Variants in JAKMIP3 observed in about 807,000 individuals in gnomAD.
JAKMIP3 encodes the protein janus kinase and microtubule-interacting protein 3.
In JAKMIP3, 58 loss-of-function variants were observed where a neutral mutation model predicts 118.5. That is an observed-to-expected ratio of 0.49 (90% CI 0.40 to 0.61). JAKMIP3 has a LOEUF of 0.61. JAKMIP3 is among the 20% of genes least tolerant of loss of function. JAKMIP3 has a pLI of 0.00. For synonymous variants in JAKMIP3, 486 were observed against 451.2 expected (o/e 1.08, Z -0.98); for missense variants, 950 against 1,109.0 (o/e 0.86, Z 2.04).
chr10:132,068,132 G>A (rs555900983), intron 1 of JAKMIP3, among the ~76,000 whole-genome samples: 5 of 148,954 alleles, frequency 3.4e-5, no homozygotes, highest in Admixed American at 2.7e-4. Flanking sequence ...CTTCCGTGTG[G>A]ACTGGACTGT....
At chr10:132,087,755 C>T (rs763889513) in intron 1 of JAKMIP3, among the ~76,000 whole-genome samples, 12 of 151,412 alleles carry the variant, frequency 7.9e-5, no homozygotes, top group South Asian at 2.1e-4. Context: ...ATGTGCACAA[C>T]GTGCAGGTTA....
At chr10:132,109,777 C>A (rs1234778741) in intron 2 of JAKMIP3, among the ~76,000 whole-genome samples, 2 of 152,198 alleles carry the variant, frequency 1.3e-5, no homozygotes, top group Non-Finnish European at 2.9e-5. Flanking sequence ...TATGGGAAGC[C>A]TTCGGGGCCC....
At chr10:132,139,180 CTGTG>C (rs879430782) in intron 9 of JAKMIP3, among the ~76,000 whole-genome samples, 2 of 113,278 alleles carry the variant, frequency 1.8e-5, no homozygotes, top group Non-Finnish European at 3.5e-5. Context: ...GTGTATGTGT[CTGTG>C]TATGTGTGTG....
At chr10:132,040,502 C>A (rs2037705096) in intron 1 of JAKMIP3, among the ~76,000 whole-genome samples, 1 of 152,140 alleles carries the variant, frequency 6.6e-6, no homozygotes, top group Non-Finnish European at 1.5e-5. Flanking sequence ...ATGCTATAAT[C>A]ATTTTATATC....
chr10:132,038,043 T>C (rs931110743), intron 1 of JAKMIP3, among the ~76,000 whole-genome samples: 8 of 152,258 alleles, frequency 5.3e-5, no homozygotes, highest in South Asian at 2.1e-4. Flanking sequence ...AAGTTATAGT[T>C]TGGAGTTCAT....
chr10:132,109,485 C>T (rs1022932805), intron 2 of JAKMIP3, among the ~76,000 whole-genome samples: 4 of 152,230 alleles, frequency 2.6e-5, no homozygotes, highest in South Asian at 4.1e-4. Flanking sequence ...CCTGCGCGCC[C>T]GCAGAGAGGT....
At chr10:132,165,147 G>T (rs117266782) in intron 21 of JAKMIP3, among the ~76,000 whole-genome samples, 12 of 152,214 alleles carry the variant, frequency 7.9e-5, no homozygotes, top group African/African-American at 2.9e-4. Flanking sequence ...TCCAGTTCCC[G>T]GATCAGAAGC....
chr10:132,071,714 G>A (rs898207512), intron 1 of JAKMIP3, among the ~76,000 whole-genome samples: 18 of 152,140 alleles, frequency 1.2e-4, no homozygotes, highest in African/African-American at 3.9e-4. Context: ...CCTGTATAAC[G>A]TTTTGCAACT....
chr10:132,128,654 T>G (rs1391805007), intron 3 of JAKMIP3, among the ~76,000 whole-genome samples: 1 of 152,214 alleles, frequency 6.6e-6, no homozygotes, highest in East Asian at 1.9e-4. Flanking sequence ...GGGTTTGTGA[T>G]TTTACTGTGT....
At position 132,168,571 on chromosome 10, in the gene JAKMIP3, C is replaced by T. The variant is rs755910846; in HGVS notation, c.*641C>T. ...CATCCACCCTCGTTCATCATCATCT[C>T]TGTGGGGACAGACAAGAGCCGTGGC... On this transcript the variant is annotated 3_prime_UTR_variant, in exon 23 of 24. Coordinates refer to ENST00000684848, the MANE Select transcript of JAKMIP3 (RefSeq NM_001323087.2). The T allele has an allele frequency of 1.1e-4, 44 of 388,162 alleles. No individual in the cohort carries two copies. The highest frequency in any genetic ancestry group is 1.8e-4 in the Non-Finnish European group (38 of 209,704). 24.0% of individuals were successfully genotyped at this position (388,162 alleles called of 1,614,324 possible).
intron 23 of JAKMIP3, among the ~76,000 whole-genome samples, chr10:132,172,736 C>G (rs373044596): frequency 6.6e-6 from 1 of 151,892 alleles, no homozygotes; most frequent in African/African-American, 2.4e-5. Context: ...CTCTCTGTCC[C>G]CACAAGGCGG....
intron 1 of JAKMIP3, among the ~76,000 whole-genome samples, chr10:132,096,588 A>T (rs1349369875): frequency 6.6e-6 from 1 of 151,936 alleles, no homozygotes; most frequent in East Asian, 1.9e-4. Flanking sequence ...CAGGTGCAAG[A>T]TTTTTTTCCT....
At chr10:132,167,906 CA>C in intron 22 of JAKMIP3, 46 bp from the exon 23 acceptor site, 1 of 1,269,676 alleles carries the variant, frequency 7.9e-7, no homozygotes, top group Non-Finnish European at 1.0e-6. Flanking sequence ...TCACTCCAGC[CA>C]AGCGGAGCCT....
intron 7 of JAKMIP3, 50 bp from the exon 8 acceptor site, chr10:132,137,204 G>A: frequency 6.2e-7 from 1 of 1,613,906 alleles, no homozygotes; most frequent in Non-Finnish European, 8.5e-7. Context: ...AAGGGGCTTG[G>A]CTAACAGGGA....
At chr10:132,153,658 A>G in intron 17 of JAKMIP3, 101 bp from the exon 18 acceptor site, 1 of 1,132,854 alleles carries the variant, frequency 8.8e-7, no homozygotes, top group Non-Finnish European at 1.3e-6. Flanking sequence ...GGAGAAGAGG[A>G]AGGAAGACCC....
chr10:132,140,360 C>A (rs567967389), intron 9 of JAKMIP3, 91 bp from the exon 10 acceptor site: 278 of 1,546,824 alleles, frequency 1.8e-4, no homozygotes, highest in Non-Finnish European at 2.0e-4. Context: ...GGGGCTGCGG[C>A]CCCCACCGTT....
At chr10:132,129,512 G>T (rs1019508903) in intron 3 of JAKMIP3, among the ~76,000 whole-genome samples, 2 of 152,156 alleles carry the variant, frequency 1.3e-5, no homozygotes, top group Admixed American at 6.5e-5. Flanking sequence ...CAGCTGCTGT[G>T]GCAGCCCCAA....
chr10:132,168,046 T>G lies in JAKMIP3; in HGVS notation c.*116T>G, dbSNP rs1003010405. On this transcript the variant is annotated 3_prime_UTR_variant, in exon 23 of 24. Transcript: ENST00000684848. ...CTCCATCCTGAAGACCCAGGGAGAT[T>G]TGGTCTCTGCACGCCCGTCCCGTGG... 20 of 1,289,398 alleles carry G rather than the reference T, an allele frequency of 1.6e-5. No homozygotes were observed. The African/African-American group carries it at 3.0e-4, about 20-fold the overall frequency. The allele number at this position is 1,289,398 out of a possible 1,614,324, so 79.9% of individuals were successfully genotyped here. A position where few individuals can be genotyped will look rare whatever the true frequency, so the allele number is the denominator to read the frequency against.
chr10:132,171,124 C>T (rs748694025), intron 23 of JAKMIP3, among the ~76,000 whole-genome samples: 5 of 152,234 alleles, frequency 3.3e-5, no homozygotes, highest in Non-Finnish European at 5.9e-5. Context: ...TTGCAGGCTC[C>T]CTTGGGGGAG....
Sources: allele counts gnomAD v4.1 joint callset (sites outside exome capture counted in the v4.1 genomes callset), GRCh38; gene constraint gnomAD v4.1.1; transcripts MANE v1.5; gene names NCBI Gene and HGNC (gene_info 2026-07-23, HGNC 2026-07-21).